The following CELF4 variants were observed in gnomAD, a reference collection of about 807,000 sequenced individuals.
CELF4 encodes the protein CUG-BP- and ETR-3-like factor 4.
A neutral mutation model predicts 59.9 loss-of-function variants in CELF4; 18 were observed. That is an observed-to-expected ratio of 0.30 (90% CI 0.21 to 0.45). The LOEUF is 0.45. CELF4 is among the 20% of genes least tolerant of loss of function. The probability of loss-of-function intolerance (pLI) is 1.00; values close to 1 mark genes in which losing one functional copy is unlikely to be tolerated. For missense variants in CELF4, 456 were observed against 689.0 expected (o/e 0.66, Z 3.79); for synonymous variants, 261 against 267.1 (o/e 0.98, Z 0.22).
At chr18:37,449,224 G>A (rs997099178) in intron 2 of CELF4, among the ~76,000 whole-genome samples, 1 of 152,142 alleles carries the variant, frequency 6.6e-6, no homozygotes, top group Non-Finnish European at 1.5e-5. Flanking sequence ...GCTTTAGAAC[G>A]ATTTGGGTCC....
chr18:37,399,270 G>C (rs758533456), intron 2 of CELF4, among the ~76,000 whole-genome samples: 2 of 152,144 alleles, frequency 1.3e-5, no homozygotes, highest in Non-Finnish European at 2.9e-5. Context: ...GATTGATGCC[G>C]TTATCATTAG....
At chr18:37,533,285 G>C (rs557987387) in intron 1 of CELF4, among the ~76,000 whole-genome samples, 1 of 152,324 alleles carries the variant, frequency 6.6e-6, no homozygotes, top group African/African-American at 2.4e-5. Context: ...CCCCAGAGAG[G>C]AGACTGGATT....
At chr18:37,334,536 T>C (rs1455086598) in intron 2 of CELF4, among the ~76,000 whole-genome samples, 1 of 151,982 alleles carries the variant, frequency 6.6e-6, no homozygotes, top group Admixed American at 6.5e-5. Flanking sequence ...GGGGGTGGCA[T>C]TGTGGCCACC....
intron 3 of CELF4, among the ~76,000 whole-genome samples, chr18:37,320,504 G>A (rs546075605): frequency 1.6e-4 from 24 of 152,280 alleles, no homozygotes; most frequent in African/African-American, 3.8e-4. Flanking sequence ...GCCACCGCCC[G>A]TCTGTCCTCT....
intron 2 of CELF4, among the ~76,000 whole-genome samples, chr18:37,345,345 C>T (rs583037): frequency 0.27 from 41,203 of 151,770 alleles, 6,510 homozygotes; most frequent in African/African-American, 0.44. Flanking sequence ...GGGAGAGAGA[C>T]GAAGTGGAGA....
chr18:37,468,906 T>G (rs1475929915), intron 2 of CELF4, among the ~76,000 whole-genome samples: 1 of 152,206 alleles, frequency 6.6e-6, no homozygotes, highest in Non-Finnish European at 1.5e-5. Context: ...GGTCCCACTC[T>G]TGACACGTGG....
intron 2 of CELF4, among the ~76,000 whole-genome samples, chr18:37,388,112 GC>G (rs2099119042): frequency 6.6e-6 from 1 of 152,094 alleles, no homozygotes; most frequent in Non-Finnish European, 1.5e-5. Context: ...ATCCTTTGGG[GC>G]AGGTTTCATT....
intron 1 of CELF4, among the ~76,000 whole-genome samples, chr18:37,512,271 T>C (rs750229796): frequency 2.0e-5 from 3 of 152,222 alleles, no homozygotes; most frequent in Non-Finnish European, 2.9e-5. Context: ...CCAATGTCCA[T>C]GTGCTGAGCG....
chr18:37,509,705 G>A (rs1281813499), intron 1 of CELF4, among the ~76,000 whole-genome samples: 1 of 152,188 alleles, frequency 6.6e-6, no homozygotes, highest in Non-Finnish European at 1.5e-5. Flanking sequence ...ACATATACTT[G>A]TACATGCATG....
intron 2 of CELF4, among the ~76,000 whole-genome samples, chr18:37,376,117 G>A (rs2098966179): frequency 6.6e-6 from 1 of 152,148 alleles, no homozygotes; most frequent in South Asian, 2.1e-4. Context: ...GGCACTGGAA[G>A]TATCCATCCC....
At chr18:37,280,488 G>A (rs963586520) in intron 3 of CELF4, among the ~76,000 whole-genome samples, 1 of 152,160 alleles carries the variant, frequency 6.6e-6, no homozygotes, top group Non-Finnish European at 1.5e-5. Context: ...CCTCTTCATT[G>A]GAGCCCCTGA....
intron 1 of CELF4, among the ~76,000 whole-genome samples, chr18:37,548,574 C>T (rs1195871133): frequency 1.3e-5 from 2 of 152,186 alleles, no homozygotes; most frequent in Non-Finnish European, 1.5e-5. Context: ...GATAGTGAGC[C>T]GGACCCTCAG....
rs2061548455 is a variant in CELF4 at position 37,245,020 on chromosome 18, GA to G, written c.*221del. On this transcript the variant is annotated 3_prime_UTR_variant, in exon 13 of 13. Transcript: ENST00000420428. This position sits in a 1 kb window ranked among gnomAD's most constrained non-coding sequence, Gnocchi z 4.1. ...ATTTTCCCCCAAACACGTGCCCTCT[GA>G]ACTCCATAGACGCTATACTTTCCTT... The G allele has an allele frequency of 6.6e-6, 1 of 152,350 alleles. No individual in the cohort carries two copies. Among genetic ancestry groups the G allele is most frequent in the East Asian group, 1.9e-4 (1 of 5,170 alleles). The allele number at this position is 152,350 out of a possible 1,614,324, so 9.4% of individuals were successfully genotyped here.
At chr18:37,541,259 C>A (rs949278925) in intron 1 of CELF4, among the ~76,000 whole-genome samples, 2 of 152,068 alleles carry the variant, frequency 1.3e-5, no homozygotes, top group African/African-American at 4.8e-5. Context: ...AAGGCCAAAT[C>A]AGAATTTTGA....
chr18:37,309,002 C>G (rs371929482), intron 3 of CELF4, among the ~76,000 whole-genome samples: 5 of 152,136 alleles, frequency 3.3e-5, no homozygotes, highest in Non-Finnish European at 7.4e-5. Context: ...TTTGAGGACA[C>G]CTGGCTGGGC....
rs770657213 is a variant in CELF4 at position 37,268,393 on chromosome 18, G to A, written c.1100-1795C>T. On this transcript the variant is annotated intron_variant, in intron 8 of 12. Coordinates refer to ENST00000420428, the MANE Select transcript of CELF4 (RefSeq NM_020180.4). ...CTAAGCTCTATAGAAGGAGAACCAC[G>A]TCCGGATTGTGCTCTTGGTCTTTCC... Among the ~76,000 whole-genome samples, 7 of 152,302 alleles carry A rather than the reference G, an allele frequency of 4.6e-5. No homozygotes were observed. In the East Asian group the frequency reaches 5.8e-4, roughly 13 times the overall value.
chr18:37,264,275 C>T (rs1428305714), intron 10 of CELF4, among the ~76,000 whole-genome samples: 1 of 152,220 alleles, frequency 6.6e-6, no homozygotes, highest in East Asian at 1.9e-4. Context: ...GGTTCAAGGG[C>T]TTGCCAAGGA....
At chr18:37,287,828 A>T (rs1403946220) in intron 3 of CELF4, among the ~76,000 whole-genome samples, 1 of 152,248 alleles carries the variant, frequency 6.6e-6, no homozygotes, top group Admixed American at 6.5e-5. Flanking sequence ...ATTAAATGTT[A>T]GATGATAGAT....
chr18:37,280,822 C>T (rs892428907), intron 3 of CELF4, among the ~76,000 whole-genome samples: 2 of 152,360 alleles, frequency 1.3e-5, no homozygotes, highest in South Asian at 2.1e-4. Context: ...TTTCCACCAA[C>T]GCATACATCA....
Sources: gnomAD v4.1 joint callset for allele counts (sites outside exome capture counted in the v4.1 genomes callset) on GRCh38, gnomAD v4.1.1 for gene constraint, Gnocchi (gnomAD v3.1) non-coding constraint, MANE v1.5 for transcripts, NCBI Gene and HGNC (gene_info 2026-07-23, HGNC 2026-07-21) for gene names.